PCCA: variants seen among roughly 807,000 people sequenced by gnomAD.
The protein encoded by PCCA is propionyl-CoA carboxylase alpha chain, mitochondrial.
Under a neutral mutation model 101.3 loss-of-function variants are expected in PCCA, and 74 were observed. That is an observed-to-expected ratio of 0.73 (90% confidence interval 0.61 to 0.89). The LOEUF (loss-of-function observed/expected upper bound fraction) is 0.89. Among genes scored for constraint, PCCA ranks in the 40% least tolerant of loss-of-function variants. The probability of loss-of-function intolerance (pLI) is 0.00; values close to 1 mark genes in which losing one functional copy is unlikely to be tolerated. For synonymous variants in PCCA, 294 were observed against 313.6 expected (o/e 0.94, Z 0.66); for missense variants, 891 against 907.0 (o/e 0.98, Z 0.23).
chr13:100,397,908 G>A (rs941811552), intron 19 of PCCA, among the ~76,000 whole-genome samples: 3 of 152,188 alleles, frequency 2.0e-5, no homozygotes, highest in African/African-American at 7.2e-5. Context: ...AAATTCCCCA[G>A]TTGGACAAAA....
chr13:100,316,779 C>CTT (rs376332378), intron 16 of PCCA, among the ~76,000 whole-genome samples: 2 of 146,248 alleles, frequency 1.4e-5, no homozygotes, highest in African/African-American at 2.5e-5. Context: ...TAATAGTATT[C>CTT]TTTTTTTTTT....
intron 8 of PCCA, among the ~76,000 whole-genome samples, chr13:100,242,312 G>C (rs1437396309): frequency 6.6e-6 from 1 of 152,174 alleles, no homozygotes; most frequent in Non-Finnish European, 1.5e-5. Flanking sequence ...ACTATTCTAA[G>C]AGACAAAGAA....
chr13:100,373,907 T>A (rs113111512), intron 19 of PCCA, among the ~76,000 whole-genome samples: 2 of 151,842 alleles, frequency 1.3e-5, no homozygotes, highest in African/African-American at 4.8e-5. Context: ...AGGTCAGGAG[T>A]TCGAGACCAG....
intron 8 of PCCA, among the ~76,000 whole-genome samples, chr13:100,237,934 TC>T (rs1342460298): frequency 5.5e-4 from 72 of 130,398 alleles, no homozygotes; most frequent in African/African-American, 1.6e-3. Context: ...TTTCTTTCTT[TC>T]TTTCTTTTTT....
chr13:100,519,510 G>T (rs1031272892), intron 22 of PCCA, among the ~76,000 whole-genome samples: 1 of 152,154 alleles, frequency 6.6e-6, no homozygotes, highest in East Asian at 1.9e-4. Flanking sequence ...ACATCGGTGG[G>T]CGTCGGTGGC....
At chr13:100,194,001 G>A (rs1398552466) in intron 6 of PCCA, among the ~76,000 whole-genome samples, 1 of 151,970 alleles carries the variant, frequency 6.6e-6, no homozygotes, top group Non-Finnish European at 1.5e-5. Context: ...AACCTGGGAA[G>A]CGGAGCATGC....
chr13:100,134,386 A>G (rs1040322592), intron 4 of PCCA, among the ~76,000 whole-genome samples: 1 of 152,082 alleles, frequency 6.6e-6, no homozygotes, highest in African/African-American at 2.4e-5. Context: ...CTTTTCGTAT[A>G]CATTTTAGAA....
At chr13:100,127,772 G>A (rs2050107690) in intron 4 of PCCA, among the ~76,000 whole-genome samples, 1 of 152,052 alleles carries the variant, frequency 6.6e-6, no homozygotes. Context: ...GGTGCGTGTA[G>A]TCCCAGCTTC....
chr13:100,107,666 T>G (rs2152268955), intron 2 of PCCA, among the ~76,000 whole-genome samples: 1 of 152,354 alleles, frequency 6.6e-6, no homozygotes, highest in Admixed American at 6.5e-5. Context: ...TAGTGAACTT[T>G]GTAAGTGATT....
chr13:100,416,814 C>G (rs901869237), intron 19 of PCCA, among the ~76,000 whole-genome samples: 1 of 151,544 alleles, frequency 6.6e-6, no homozygotes, highest in Non-Finnish European at 1.5e-5. Flanking sequence ...CGTGAGCCAC[C>G]GCGCCCGACC....
chr13:100,310,281 C>T (rs904677527), intron 16 of PCCA, among the ~76,000 whole-genome samples: 15 of 151,990 alleles, frequency 9.9e-5, no homozygotes, highest in African/African-American at 3.1e-4. Context: ...TCTATATATG[C>T]GAGTTTAGAT....
intron 20 of PCCA, among the ~76,000 whole-genome samples, chr13:100,445,277 A>G (rs2080742136): frequency 6.6e-6 from 1 of 152,220 alleles, no homozygotes; most frequent in Non-Finnish European, 1.5e-5. Context: ...TGGGGATCAC[A>G]TTTCAACATG....
At chr13:100,241,118 G>C (rs1309261138) in intron 8 of PCCA, among the ~76,000 whole-genome samples, 1 of 152,050 alleles carries the variant, frequency 6.6e-6, no homozygotes, top group East Asian at 1.9e-4. Context: ...ATACAATTCA[G>C]CCTTTCAAAG....
At chr13:100,372,467 A>G (rs114573486) in intron 19 of PCCA, among the ~76,000 whole-genome samples, 4,715 of 152,290 alleles carry the variant, frequency 0.031, 233 homozygotes, top group African/African-American at 0.11. Flanking sequence ...GCACAGGCAC[A>G]AAAGATAAAT....
intron 17 of PCCA, among the ~76,000 whole-genome samples, chr13:100,330,948 T>C (rs2069465398): frequency 6.6e-6 from 1 of 152,160 alleles, no homozygotes; most frequent in African/African-American, 2.4e-5. Flanking sequence ...ATCATTAGCC[T>C]ACCTGACTTC....
chr13:100,231,683 C>G (rs1305516057), intron 7 of PCCA, among the ~76,000 whole-genome samples: 3 of 152,158 alleles, frequency 2.0e-5, no homozygotes, highest in African/African-American at 7.2e-5. Flanking sequence ...TAAGAGCATA[C>G]AATTTTAATT....
Position 100,257,644 on chromosome 13 carries a change from G to A in PCCA, c.687G>A (p.Met229Ile). The A allele has an allele frequency of 1.2e-6, 2 of 1,613,810 alleles. No homozygotes were observed. The highest frequency in any genetic ancestry group is 1.1e-5 in the South Asian group (1 of 91,062). The change falls in exon 9 of 24, where the codon ATG becomes ATA. Residue 229 changes from methionine to isoleucine, a missense_variant. Transcript: ENST00000376285. ...KASAGGGGKG[M>I]RIAWDDEETR... The stretch of plus-strand genomic sequence containing the variant: ...CAGCAGGTGGTGGTGGGAAAGGCAT[G>A]CGCATTGCTTGGGATGATGAAGAGA...
intron 13 of PCCA, among the ~76,000 whole-genome samples, 153 bp from the exon 14 acceptor site, chr13:100,302,771 C>A (rs1341336523): frequency 6.6e-6 from 1 of 152,036 alleles, no homozygotes; most frequent in Non-Finnish European, 1.5e-5. Context: ...AGTTGTCTAG[C>A]GTAAAAGACA....
At chr13:100,185,843 C>T (rs888162138) in intron 6 of PCCA, among the ~76,000 whole-genome samples, 1 of 152,072 alleles carries the variant, frequency 6.6e-6, no homozygotes, top group African/African-American at 2.4e-5. Context: ...GATGGGGTTT[C>T]TCCATGTTGG....
Sources: allele counts gnomAD v4.1 joint callset (sites outside exome capture counted in the v4.1 genomes callset), GRCh38; gene constraint gnomAD v4.1.1; transcripts MANE v1.5; gene names NCBI Gene and HGNC (gene_info 2026-07-23, HGNC 2026-07-21).